Variants in STARD9 observed in about 807,000 individuals in gnomAD.
STARD9 encodes stAR-related lipid transfer protein 9.
Under a neutral mutation model 399.8 loss-of-function variants are expected in STARD9, and 346 were observed. The ratio of observed to expected loss-of-function variants is 0.87; its 90% CI spans 0.79 to 0.95. The LOEUF (loss-of-function observed/expected upper bound fraction) is 0.95. STARD9 is among the 40% of genes least tolerant of loss of function. STARD9 has a pLI of 0.00. For missense variants in STARD9, 5,832 were observed against 5,667.5 expected (o/e 1.03, Z -0.93); for synonymous variants, 2,203 against 2,143.5 (o/e 1.03, Z -0.77).
At chr15:42,646,056 GA>G (rs1215960474) in intron 7 of STARD9, among the ~76,000 whole-genome samples, 3 of 152,088 alleles carry the variant, frequency 2.0e-5, no homozygotes, top group Non-Finnish European at 4.4e-5. Context: ...AGCTACTCGG[GA>G]GGCTAAGGCA....
At chr15:42,704,001 G>A (rs966767377) in intron 26 of STARD9, among the ~76,000 whole-genome samples, 11 of 152,122 alleles carry the variant, frequency 7.2e-5, no homozygotes, top group Non-Finnish European at 1.6e-4. Context: ...TCCGCCTCCC[G>A]GGTTCAAGCG....
intron 9 of STARD9, among the ~76,000 whole-genome samples, chr15:42,657,398 A>G (rs2059899264): frequency 1.3e-5 from 2 of 151,888 alleles, no homozygotes; most frequent in African/African-American, 4.8e-5. Flanking sequence ...AATACTAGAG[A>G]CAGGAATATT....
intron 15 of STARD9, among the ~76,000 whole-genome samples, chr15:42,667,021 G>A (rs996128015): frequency 2.0e-5 from 3 of 151,970 alleles, no homozygotes; most frequent in Admixed American, 6.6e-5. Context: ...CACCACATTG[G>A]CCAGGCTGGT....
In STARD9 at chr15:42,687,052, C is replaced by T. The variant is rs546585224; in HGVS notation, c.5474C>T (p.Thr1825Ile). Residue 1825 changes from threonine to isoleucine, a missense_variant, in exon 23 of 33, where the codon ACC (threonine) becomes ATC (isoleucine). Physicochemically the swap from Thr to Ile is moderately conservative, Grantham distance 89 (BLOSUM62 -1). Transcript: ENST00000290607. ...GCTGAGATACCAGTTGATCTGAATACCAGGGAAGTCATCAGAGAATCAGGT... is the reference window on the plus strand; with the variant it reads ...GCTGAGATACCAGTTGATCTGAATATCAGGGAAGTCATCAGAGAATCAGGT... The part of the protein sequence containing the change: ...VTAEIPVDLN[T>I]REVIRESGKC... 1.1e-4 allele frequency: 169 copies of T among 1,537,052 alleles called. No homozygotes were observed. The highest frequency in any genetic ancestry group is 1.7e-4 in the Middle Eastern group (1 of 5,992).
At chr15:42,626,458 T>TCTCCTCTTC (rs2059224596) in intron 3 of STARD9, among the ~76,000 whole-genome samples, 3 of 143,072 alleles carry the variant, frequency 2.1e-5, no homozygotes, top group African/African-American at 7.9e-5. Context: ...TCCTCTTCCT[T>TCTCCTCTTC]CTCCTCTTCC....
At chr15:42,706,151 G>A in intron 26 of STARD9, among the ~76,000 whole-genome samples, 1 of 152,206 alleles carries the variant, frequency 6.6e-6, no homozygotes, top group Non-Finnish European at 1.5e-5. Flanking sequence ...TTGACTTAGG[G>A]AGAAACCACG....
intron 26 of STARD9, among the ~76,000 whole-genome samples, chr15:42,706,166 A>G (rs2061076379): frequency 6.6e-6 from 1 of 152,228 alleles, no homozygotes; most frequent in Non-Finnish European, 1.5e-5. Flanking sequence ...ACCACGTCTT[A>G]TGCTATAGAA....
In STARD9 at chr15:42,665,175, C is replaced by T. The variant is rs8039765; in HGVS notation, c.1177-78C>T. On this transcript the variant is annotated intron_variant, in intron 13 of 32. Coordinates refer to ENST00000290607, the MANE Select transcript of STARD9 (RefSeq NM_020759.3). The stretch of plus-strand genomic sequence containing the variant: ...TCCAAAGGAGTAATCTACCTCTTCC[C>T]AGCCAATTGCAACTAGCATTTCACA... The T allele has an allele frequency of 1.3e-5, 15 of 1,179,712 alleles. No individual in the cohort carries two copies. The South Asian group carries it at 2.0e-4, about 16-fold the overall frequency. The allele number at this position is 1,179,712 out of a possible 1,614,324, so 73.1% of individuals were successfully genotyped here. A position where few individuals can be genotyped will look rare whatever the true frequency, so the allele number is the denominator to read the frequency against.
At position 42,693,937 on chromosome 15, in the gene STARD9, G is replaced by A. The variant is rs2060778787; in HGVS notation, c.12359G>A (p.Cys4120Tyr). 1.3e-6 allele frequency: 2 copies of A among 1,505,404 alleles called. No homozygotes were observed. Among genetic ancestry groups the A allele is most frequent in the East Asian group, 2.5e-5 (1 of 40,616 alleles). 93.3% of individuals were successfully genotyped at this position (1,505,404 alleles called of 1,614,324 possible). A position where few individuals can be genotyped will look rare whatever the true frequency, so the allele number is the denominator to read the frequency against. ...CQPEELLCFS[C>Y]QMCMAPEHQH... ...CCTGAGGAGTTACTGTGCTTCAGTT[G>A]CCAGATGTGCATGGCCCCTGAGCAC... The change falls in exon 23 of 33, where the codon TGC (cysteine) becomes TAC (tyrosine). Residue 4120 changes from cysteine (C) to tyrosine (Y), a missense_variant. By Grantham distance (194) the Cys-to-Tyr change is radical (BLOSUM62 -2). Around this residue, in one of 2 missense-constraint regions of STARD9, gnomAD observed 5,828 missense variants for 5,651.1 expected, o/e 1.03. Coordinates refer to ENST00000290607, the MANE Select transcript of STARD9 (RefSeq NM_020759.3).
chr15:42,577,184 C>T (rs550166365), intron 1 of STARD9, among the ~76,000 whole-genome samples: 11 of 151,608 alleles, frequency 7.3e-5, no homozygotes, highest in African/African-American at 2.2e-4. Context: ...GATGGAGTCT[C>T]GCTCTGTCGC....
At position 42,682,097 on chromosome 15, in the gene STARD9, T is replaced by C. The variant is rs1566930519; in HGVS notation, c.2066-7T>C. The stretch of plus-strand genomic sequence containing the variant: ...TGAAATTCTCTCTGGGTGTTTTTGG[T>C]TCCCAGACCAGCAGTGTCTGCTCAG... On this transcript the variant is annotated splice_polypyrimidine_tract_variant and splice_region_variant and intron_variant, in intron 21 of 32. Transcript: ENST00000290607. 2.0e-6 allele frequency: 3 copies of C among 1,524,752 alleles called. No individual in the cohort carries two copies. Among genetic ancestry groups the C allele is most frequent in the Non-Finnish European group, 2.6e-6 (3 of 1,139,374 alleles). The allele number at this position is 1,524,752 out of a possible 1,614,324, so 94.5% of individuals were successfully genotyped here.
At chr15:42,717,878 C>G (rs572873808) in intron 29 of STARD9, 83 bp downstream of exon 29, 1 of 1,499,914 alleles carries the variant, frequency 6.7e-7, no homozygotes, top group South Asian at 1.2e-5. Flanking sequence ...CTTTCCCTTA[C>G]CTGGATTCCT....
In STARD9 at chr15:42,598,838, C is replaced by T. The variant is rs189827539; in HGVS notation, c.234+13201C>T. Among the ~76,000 whole-genome samples, 5 of 152,308 alleles carry T rather than the reference C, an allele frequency of 3.3e-5. No homozygotes were observed. The East Asian group carries it at 9.6e-4, about 29-fold the overall frequency. ...AACACAGTACCGTTTATTGAACACT[C>T]ATTCTTTCTCCACTGAAGTGAAAGG... On this transcript the variant is annotated intron_variant, in intron 3 of 32. Transcript: ENST00000290607.
intron 1 of STARD9, among the ~76,000 whole-genome samples, chr15:42,577,868 C>G (rs1032381826): frequency 6.6e-6 from 1 of 152,220 alleles, no homozygotes; most frequent in African/African-American, 2.4e-5. Flanking sequence ...GTCATTGGCA[C>G]ACACTCAGTT....
At chr15:42,662,962 A>G (rs1354328548) in intron 11 of STARD9, 71 bp downstream of exon 11, 16 of 1,161,750 alleles carry the variant, frequency 1.4e-5, no homozygotes, top group Non-Finnish European at 1.9e-5. Context: ...TTTTGTCGCA[A>G]TAGGGTAGAC....
At chr15:42,629,698 G>A (rs1253180206) in intron 3 of STARD9, 1 of 152,144 alleles carries the variant, frequency 6.6e-6, no homozygotes, top group Non-Finnish European at 1.5e-5. Flanking sequence ...AGATCCTAGA[G>A]GGAAAGGCTT....
chr15:42,589,502 C>T (rs74714963), intron 3 of STARD9, among the ~76,000 whole-genome samples: 2,478 of 152,250 alleles, frequency 0.016, 66 homozygotes, highest in African/African-American at 0.057. Context: ...TGTTTTCTGT[C>T]CCTACAGTTT....
intron 20 of STARD9, among the ~76,000 whole-genome samples, chr15:42,679,503 C>G (rs1235772845): frequency 2.6e-5 from 4 of 152,314 alleles, no homozygotes; most frequent in African/African-American, 9.6e-5. Flanking sequence ...GCCTTCTTCC[C>G]TGGGAAGAGA....
At chr15:42,618,143 T>C (rs2059011466) in intron 3 of STARD9, among the ~76,000 whole-genome samples, 1 of 151,920 alleles carries the variant, frequency 6.6e-6, no homozygotes, top group Admixed American at 6.6e-5. Flanking sequence ...TATTTACTAT[T>C]TATTTATGAT....
Sources: gnomAD v4.1 joint callset for allele counts (sites outside exome capture counted in the v4.1 genomes callset) on GRCh38, gnomAD v4.1.1 for gene constraint, gnomAD v4.1.1 regional missense constraint, MANE v1.5 for transcripts, NCBI Gene and HGNC (gene_info 2026-07-23, HGNC 2026-07-21) for gene names.